Variants in PRPF3 observed in about 807,000 individuals in gnomAD.
PRPF3 encodes the protein pre-mRNA processing factor 3, also known as U4/U6 small nuclear ribonucleoprotein Prp3.
In PRPF3, 3 loss-of-function variants were observed where a neutral mutation model predicts 89.2. The observed-to-expected ratio is 0.03, with a 90% CI of 0.02 to 0.09. The LOEUF (loss-of-function observed/expected upper bound fraction) is 0.09, where lower values mean the gene tolerates loss of function less well. Ranked by LOEUF, PRPF3 falls within the 10% of genes least tolerant of loss-of-function variation. PRPF3 has a pLI of 1.00. For missense variants in PRPF3, 463 were observed against 828.8 expected (o/e 0.56, Z 5.42); for synonymous variants, 270 against 289.1 (o/e 0.93, Z 0.67).
At chr1:150,351,431 A>T (rs1658912429) in intron 15 of PRPF3, among the ~76,000 whole-genome samples, 1 of 152,192 alleles carries the variant, frequency 6.6e-6, no homozygotes, top group Non-Finnish European at 1.5e-5. Flanking sequence ...CATACAAATT[A>T]GATGATAATA....
At chr1:150,332,318 G>A (rs1373091468) in intron 4 of PRPF3, among the ~76,000 whole-genome samples, 3 of 152,130 alleles carry the variant, frequency 2.0e-5, no homozygotes, top group Admixed American at 6.5e-5. Context: ...CTGTAAGGTA[G>A]GTACTGTTTT....
intron 1 of PRPF3, among the ~76,000 whole-genome samples, chr1:150,321,833 G>A (rs1401734630): frequency 1.3e-5 from 2 of 152,038 alleles, no homozygotes; most frequent in Non-Finnish European, 2.9e-5. Flanking sequence ...ACAAGGTAGA[G>A]TAAGAGACTG....
At chr1:150,349,826 A>G (rs1287015473) in intron 15 of PRPF3, among the ~76,000 whole-genome samples, 2 of 131,484 alleles carry the variant, frequency 1.5e-5, no homozygotes, top group Non-Finnish European at 3.1e-5. Context: ...CAGTATTAAA[A>G]CCAGTATTAA....
intron 15 of PRPF3, among the ~76,000 whole-genome samples, chr1:150,351,155 C>T (rs1259251619): frequency 6.6e-6 from 1 of 151,990 alleles, no homozygotes. Flanking sequence ...ATCCCAGCTA[C>T]TTGGGAGGCT....
In PRPF3 at chr1:150,332,760, C is replaced by T. The variant is rs1656552502; in HGVS notation, c.500C>T (p.Thr167Ile). 1 of 1,614,024 alleles carries T rather than the reference C, an allele frequency of 6.2e-7. No homozygotes were observed. The highest frequency in any genetic ancestry group is 8.5e-7 in the Non-Finnish European group (1 of 1,179,920). The part of the protein sequence containing the change: ...KKQLSFISPP[T>I]PQPKTPSSSQ... ...CAGCTGAGCTTCATTAGCCCCCCTA[C>T]ACCTCAGGTATTGTGTCTAGATTAC... The change falls in exon 5 of 16, where the codon ACA becomes ATA. Residue 167 changes from threonine to isoleucine, a missense_variant. Coordinates refer to ENST00000324862, the MANE Select transcript of PRPF3 (RefSeq NM_004698.4).
intron 14 of PRPF3, 88 bp downstream of exon 14, chr1:150,346,579 A>T: frequency 7.5e-7 from 1 of 1,338,728 alleles, no homozygotes; most frequent in East Asian, 2.3e-5. Context: ...CCTCCCTGTG[A>T]CACTCTTGAT....
intron 3 of PRPF3, among the ~76,000 whole-genome samples, chr1:150,326,221 C>T (rs1655690994): frequency 6.6e-6 from 1 of 151,862 alleles, no homozygotes; most frequent in Non-Finnish European, 1.5e-5. Context: ...TATTTGAGGC[C>T]TAATAAGTTG....
rs142894189 is a variant in PRPF3 at position 150,352,925 on chromosome 1, T to C, written c.1998T>C (p.Ala666=). 1.1e-4 allele frequency: 181 copies of C among 1,614,060 alleles called. No homozygotes were observed. The highest frequency in any genetic ancestry group is 1.5e-4 in the Non-Finnish European group (176 of 1,180,034). ...MAREHFKKHG[A]EHYWDLALSE... is the part of the protein sequence containing the mutation. ...GTGAGCATTTCAAAAAGCATGGGGC[T>C]GAACACTACTGGGACCTTGCGCTGA... Residue 666 remains alanine, a synonymous_variant, in exon 16 of 16, where the codon GCT becomes GCC. Transcript: ENST00000324862.
intron 15 of PRPF3, 141 bp from the exon 16 acceptor site, chr1:150,352,692 G>A: frequency 1.2e-6 from 1 of 866,276 alleles, no homozygotes; most frequent in Admixed American, 2.3e-5. Flanking sequence ...CAAGGAAATG[G>A]AGGTCACAAT....
At chr1:150,336,098 A>T (rs1253184757) in intron 7 of PRPF3, among the ~76,000 whole-genome samples, 1 of 152,180 alleles carries the variant, frequency 6.6e-6, no homozygotes, top group Non-Finnish European at 1.5e-5. Context: ...GTAATATATG[A>T]TGAAATAATT....
chr1:150,345,190 A>T (rs1417952497), intron 12 of PRPF3, among the ~76,000 whole-genome samples: 1 of 152,076 alleles, frequency 6.6e-6, no homozygotes, highest in Non-Finnish European at 1.5e-5. Flanking sequence ...GATTTAAAAA[A>T]TTGTCTGACA....
chr1:150,344,783 A>G (rs782309144), intron 12 of PRPF3, among the ~76,000 whole-genome samples: 4 of 151,406 alleles, frequency 2.6e-5, no homozygotes, highest in Non-Finnish European at 5.9e-5. Flanking sequence ...TTACCAGAAT[A>G]TTAGTTCTGA....
In PRPF3 at chr1:150,346,449, C is replaced by T; in HGVS notation, c.1801C>T (p.Arg601Trp). Reference sequence around the variant, plus strand: ...GAAATTTAAGCGTCTTATGCTGCATCGGATAAAGTGGGATGAACAGACATC... The same window carrying T: ...GAAATTTAAGCGTCTTATGCTGCATTGGATAAAGTGGGATGAACAGACATC... ...QKKFKRLMLH[R>W]IKWDEQTSNT... Residue 601 changes from arginine (R) to tryptophan (W), a missense_variant, in exon 14 of 16, where the codon CGG becomes TGG. Physicochemically the swap from Arg to Trp is moderately radical, Grantham distance 101 (BLOSUM62 -3). Around this residue, in one of 8 missense-constraint regions of PRPF3, gnomAD observed 261 missense variants for 475.8 expected, o/e 0.55. Coordinates refer to ENST00000324862, the MANE Select transcript of PRPF3 (RefSeq NM_004698.4). 6.2e-7 allele frequency: 1 copy of T among 1,613,870 alleles called. No individual in the cohort carries two copies. The highest frequency in any genetic ancestry group is 8.5e-7 in the Non-Finnish European group (1 of 1,179,944).
intron 3 of PRPF3, among the ~76,000 whole-genome samples, chr1:150,326,743 G>A (rs1203480074): frequency 6.6e-6 from 1 of 152,048 alleles, no homozygotes; most frequent in African/African-American, 2.4e-5. Context: ...GGTGGTCAGA[G>A]AAGGAGAGAT....
chr1:150,344,486 G>A lies in PRPF3; in HGVS notation c.1579G>A (p.Val527Ile). 6.2e-7 allele frequency: 1 copy of A among 1,614,188 alleles called. No homozygotes were observed. The highest frequency in any genetic ancestry group is 8.5e-7 in the Non-Finnish European group (1 of 1,180,038). Reference protein sequence around the residue: ...ARKLTAEQRKVKKIKKLKEDI... With the variant: ...ARKLTAEQRKIKKIKKLKEDI... Reference sequence around the variant, plus strand: ...AAAACTCACAGCAGAACAGAGAAAGGTCAAGAAAATTAAAAAGCTTAAAGA... The same window carrying A: ...AAAACTCACAGCAGAACAGAGAAAGATCAAGAAAATTAAAAAGCTTAAAGA... The change falls in exon 12 of 16, where the codon GTC becomes ATC. Residue 527 changes from valine (V) to isoleucine (I), a missense_variant. Val to Ile is a conservative substitution (Grantham distance 29, BLOSUM62 3). Around this residue, in one of 8 missense-constraint regions of PRPF3, gnomAD observed 261 missense variants for 475.8 expected, o/e 0.55. Coordinates refer to ENST00000324862, the MANE Select transcript of PRPF3 (RefSeq NM_004698.4).
Position 150,329,074 on chromosome 1 carries a change from T to C in PRPF3, c.423+608T>C, listed in dbSNP as rs1224156476. Among the ~76,000 whole-genome samples, 6 of 149,584 alleles carry C rather than the reference T, an allele frequency of 4.0e-5. No individual in the cohort carries two copies. In the South Asian group the frequency reaches 1.3e-3, roughly 32 times the overall value. On this transcript the variant is annotated intron_variant, in intron 4 of 15. Transcript: ENST00000324862. Reference sequence around the variant, plus strand: ...AGATAGAGTTTCACTCTGTTGCCCATGCTGGAGTGTAGTGGCGTGATCTCA... The same window carrying C: ...AGATAGAGTTTCACTCTGTTGCCCACGCTGGAGTGTAGTGGCGTGATCTCA...
intron 2 of PRPF3, 48 bp from the exon 3 acceptor site, chr1:150,325,703 T>G (rs1245344485): frequency 1.6e-5 from 26 of 1,599,720 alleles, no homozygotes; most frequent in Non-Finnish European, 2.2e-5. Context: ...AGTATTAGAC[T>G]GTGTACTCTT....
intron 7 of PRPF3, among the ~76,000 whole-genome samples, chr1:150,337,260 C>T (rs1337558390): frequency 2.7e-5 from 4 of 150,918 alleles, no homozygotes; most frequent in Non-Finnish European, 5.9e-5. Flanking sequence ...AGGATGGTCT[C>T]GATCTCCTGA....
intron 7 of PRPF3, 92 bp from the exon 8 acceptor site, chr1:150,338,068 C>A (rs749410376): frequency 1.0e-5 from 13 of 1,282,094 alleles, no homozygotes; most frequent in Non-Finnish European, 1.4e-5. Flanking sequence ...GAACGAAACT[C>A]CGTCTCAAAA....
Sources: gnomAD v4.1 joint callset for allele counts (sites outside exome capture counted in the v4.1 genomes callset) on GRCh38, gnomAD v4.1.1 for gene constraint, gnomAD v4.1.1 regional missense constraint, MANE v1.5 for transcripts, NCBI Gene and HGNC (gene_info 2026-07-23, HGNC 2026-07-21) for gene names.